The following SOX6 variants were observed in gnomAD, a reference collection of about 807,000 sequenced individuals.
The protein encoded by SOX6 is SRY-box transcription factor 6.
Under a neutral mutation model 97.8 loss-of-function variants are expected in SOX6, and 11 were observed. The ratio of observed to expected loss-of-function variants is 0.11; its 90% confidence interval spans 0.07 to 0.19. The LOEUF (loss-of-function observed/expected upper bound fraction) is 0.19, where lower values mean the gene tolerates loss of function less well. Among genes scored for constraint, SOX6 ranks in the 10% least tolerant of loss-of-function variants. SOX6 has a pLI of 1.00. For synonymous variants in SOX6, 360 were observed against 371.4 expected (o/e 0.97, Z 0.35); for missense variants, 810 against 1,039.5 (o/e 0.78, Z 3.04).
intron 13 of SOX6, among the ~76,000 whole-genome samples, chr11:16,000,715 AGT>A (rs59042959): frequency 4.0e-5 from 6 of 151,652 alleles, no homozygotes; most frequent in Non-Finnish European, 7.4e-5. Flanking sequence ...AGAGGATGAC[AGT>A]GTGTGTGTGT....
chr11:16,643,523 A>C (rs935756615), intron 3 of SOX6, among the ~76,000 whole-genome samples: 1 of 152,202 alleles, frequency 6.6e-6, no homozygotes, highest in African/African-American at 2.4e-5. Context: ...TGGAGTCTAC[A>C]GAGGCAGGCA....
chr11:16,291,710 G>T (rs1447419010), intron 3 of SOX6, among the ~76,000 whole-genome samples: 2 of 152,070 alleles, frequency 1.3e-5, no homozygotes, highest in East Asian at 3.8e-4. Flanking sequence ...CTATTGTGAG[G>T]CATGTGCGTA....
intron 13 of SOX6, among the ~76,000 whole-genome samples, chr11:16,000,083 C>T (rs776742164): frequency 2.0e-5 from 3 of 152,132 alleles, no homozygotes; most frequent in Non-Finnish European, 2.9e-5. Flanking sequence ...TGATAGATGT[C>T]TGTCTATGAT....
chr11:16,413,091 A>T (rs1503448), intron 1 of SOX6, among the ~76,000 whole-genome samples: 2 of 152,152 alleles, frequency 1.3e-5, no homozygotes, highest in South Asian at 2.1e-4. Flanking sequence ...TAATTATTAC[A>T]GTGAGGTAAC....
intron 3 of SOX6, among the ~76,000 whole-genome samples, chr11:16,619,229 C>T (rs1848509392): frequency 1.3e-5 from 2 of 150,256 alleles, no homozygotes; most frequent in Admixed American, 6.6e-5. Context: ...TAATCATGAG[C>T]CCGTATTACC....
At chr11:16,255,020 A>G (rs1309039645) in intron 3 of SOX6, among the ~76,000 whole-genome samples, 1 of 152,102 alleles carries the variant, frequency 6.6e-6, no homozygotes, top group East Asian at 1.9e-4. Flanking sequence ...GTTATCAGGA[A>G]TAAAAAGAGT....
intron 6 of SOX6, among the ~76,000 whole-genome samples, chr11:16,166,610 G>T (rs759973177): frequency 6.6e-6 from 1 of 152,142 alleles, no homozygotes; most frequent in African/African-American, 2.4e-5. Context: ...TGAATGAACA[G>T]CTAAAATACA....
intron 1 of SOX6, among the ~76,000 whole-genome samples, chr11:16,383,654 T>C (rs991150097): frequency 6.6e-6 from 1 of 151,970 alleles, no homozygotes; most frequent in Non-Finnish European, 1.5e-5. Flanking sequence ...CCTTAAAATA[T>C]GAACTAATAA....
At chr11:16,444,592 TG>T (rs1274256157) in intron 1 of SOX6, among the ~76,000 whole-genome samples, 54 of 152,200 alleles carry the variant, frequency 3.5e-4, no homozygotes, top group African/African-American at 1.2e-3. Flanking sequence ...GATAACATAA[TG>T]TATGTAAGTC....
At chr11:16,034,365 A>G (rs1855462124) in intron 12 of SOX6, among the ~76,000 whole-genome samples, 1 of 152,218 alleles carries the variant, frequency 6.6e-6, no homozygotes, top group East Asian at 1.9e-4. Context: ...TCAGGGTTGC[A>G]CTAAAAATAA....
rs372824706 is a variant in SOX6 at position 16,049,324 on chromosome 11, C to T, written c.1435+431G>A. On this transcript the variant is annotated intron_variant, in intron 11 of 15. Transcript: ENST00000683767. ...TTTCATATATGTTCTTGAAGTGTGT[C>T]ATTCACATTTGTTTTAATGCAAAAG... Among the ~76,000 whole-genome samples, 3 of 152,080 alleles carry T rather than the reference C, an allele frequency of 2.0e-5. No individual in the cohort carries two copies. In the East Asian group the frequency reaches 5.8e-4, roughly 29 times the overall value.
intron 11 of SOX6, among the ~76,000 whole-genome samples, chr11:16,047,985 G>A (rs1847579831): frequency 6.6e-6 from 1 of 152,034 alleles, no homozygotes; most frequent in Non-Finnish European, 1.5e-5. Flanking sequence ...TTCAAACACA[G>A]GTGCTATTAC....
At chr11:16,349,700 GGAAGGAAGGAAGGAA>G (rs1363197999) in intron 1 of SOX6, among the ~76,000 whole-genome samples, 33 of 44,188 alleles carry the variant, frequency 7.5e-4, no homozygotes, top group East Asian at 1.4e-3. Flanking sequence ...AAGGAAGGAA[GGAAGGAAGGAAGGAA>G]GAAGGAAGGA....
At chr11:16,619,323 C>T (rs1160283165) in intron 3 of SOX6, among the ~76,000 whole-genome samples, 1 of 144,222 alleles carries the variant, frequency 6.9e-6, no homozygotes, top group Non-Finnish European at 1.5e-5. Flanking sequence ...ATGCTCTGTG[C>T]TTTTTTTTTT....
intron 3 of SOX6, among the ~76,000 whole-genome samples, chr11:16,624,581 T>G (rs1405032173): frequency 6.6e-6 from 1 of 152,210 alleles, no homozygotes; most frequent in Admixed American, 6.5e-5. Context: ...CTAATATGAA[T>G]AAAACTGCTA....
chr11:16,018,159 T>C (rs1854942872), intron 12 of SOX6, among the ~76,000 whole-genome samples: 2 of 152,086 alleles, frequency 1.3e-5, no homozygotes, highest in Admixed American at 1.3e-4. Context: ...TGAGAGCTGA[T>C]GAATGTTAAA....
chr11:16,146,659 A>G (rs1564982000), intron 6 of SOX6, among the ~76,000 whole-genome samples: 1 of 152,222 alleles, frequency 6.6e-6, no homozygotes, highest in Non-Finnish European at 1.5e-5. Context: ...TTTACAAGAA[A>G]AAAACAAACA....
At chr11:16,604,094 A>C (rs1019779830) in intron 4 of SOX6, among the ~76,000 whole-genome samples, 43 of 152,244 alleles carry the variant, frequency 2.8e-4, no homozygotes, top group Admixed American at 1.1e-3. Flanking sequence ...GTTCAAAACA[A>C]AATGCCATTG....
chr11:16,206,576 G>C (rs1852077553), intron 4 of SOX6, among the ~76,000 whole-genome samples: 1 of 152,080 alleles, frequency 6.6e-6, no homozygotes, highest in Non-Finnish European at 1.5e-5. Flanking sequence ...TGTAAAATTG[G>C]AATAGTGATA....
Sources: gnomAD v4.1 joint callset for allele counts (sites outside exome capture counted in the v4.1 genomes callset) on GRCh38, gnomAD v4.1.1 for gene constraint, MANE v1.5 for transcripts, NCBI Gene and HGNC (gene_info 2026-07-23, HGNC 2026-07-21) for gene names.